Variants in FAM216A observed in about 807,000 individuals in gnomAD.
The protein encoded by FAM216A is family with sequence similarity 216 member A, also known as protein FAM216A.
Under a neutral mutation model 37.6 loss-of-function variants are expected in FAM216A, and 26 were observed. The observed-to-expected ratio is 0.69, with a 90% CI of 0.51 to 0.96. The LOEUF (loss-of-function observed/expected upper bound fraction) is 0.96. FAM216A is among the 40% of genes least tolerant of loss of function. The pLI is 0.00. For missense variants in FAM216A, 326 were observed against 339.3 expected (o/e 0.96, Z 0.31); for synonymous variants, 110 against 121.7 (o/e 0.90, Z 0.64).
At chr12:110,482,032 G>T (rs952133704) in intron 2 of FAM216A, among the ~76,000 whole-genome samples, 7 of 151,832 alleles carry the variant, frequency 4.6e-5, no homozygotes, top group South Asian at 4.2e-4. Flanking sequence ...GAAATAGCCT[G>T]TTATTAATAA....
At chr12:110,468,464 T>C, upstream of FAM216A, 1 of 1,537,096 alleles carries the variant, frequency 6.5e-7, no homozygotes, top group Non-Finnish European at 8.7e-7. Context: ...CTGTCTAAGC[T>C]TGGATACCTG....
chr12:110,474,008 A>T (rs2062701674), intron 2 of FAM216A, among the ~76,000 whole-genome samples: 1 of 152,200 alleles, frequency 6.6e-6, no homozygotes, highest in Non-Finnish European at 1.5e-5. Context: ...ATTTAAATTC[A>T]GTGATACATA....
chr12:110,490,300 A>G lies in FAM216A; in HGVS notation c.*163A>G. The G allele has an allele frequency of 1.6e-6, 1 of 630,584 alleles. No homozygotes were observed. Among genetic ancestry groups the G allele is most frequent in the Non-Finnish European group, 2.8e-6 (1 of 353,902 alleles). 39.1% of individuals were successfully genotyped at this position (630,584 alleles called of 1,614,324 possible). A position where few individuals can be genotyped will look rare whatever the true frequency, so the allele number is the denominator to read the frequency against. ...TAATTGGTCTGATGTAGTTCCATGT[A>G]CCAATGATAGTTATGTAAGAAAATT... On this transcript the variant is annotated 3_prime_UTR_variant, in exon 7 of 7. Transcript: ENST00000377673.
At chr12:110,489,058 TA>T (rs1469845614) in intron 6 of FAM216A, among the ~76,000 whole-genome samples, 1 of 152,156 alleles carries the variant, frequency 6.6e-6, no homozygotes, top group Admixed American at 6.6e-5. Context: ...AGGATCAGCA[TA>T]AAGGATCCTT....
intron 1 of FAM216A, among the ~76,000 whole-genome samples, 184 bp from the exon 2 acceptor site, chr12:110,472,894 T>G (rs933510207): frequency 1.4e-5 from 2 of 140,508 alleles, no homozygotes; most frequent in African/African-American, 5.4e-5. Flanking sequence ...GAGAATCACT[T>G]GAAACTGGGA....
At chr12:110,471,618 CTTACT>C (rs2062687278) in intron 1 of FAM216A, among the ~76,000 whole-genome samples, 1 of 152,136 alleles carries the variant, frequency 6.6e-6, no homozygotes, top group African/African-American at 2.4e-5. Flanking sequence ...GTGATGTGAT[CTTACT>C]TTACTTAAAA....
intron 1 of FAM216A, 102 bp downstream of exon 1, chr12:110,469,120 C>T (rs1249384802): frequency 5.5e-6 from 7 of 1,274,812 alleles, no homozygotes; most frequent in Non-Finnish European, 6.1e-6. Context: ...GCCGACCTCT[C>T]GTCTCGGGGG....
intron 2 of FAM216A, among the ~76,000 whole-genome samples, chr12:110,476,443 C>G (rs1425409943): frequency 6.6e-6 from 1 of 151,030 alleles, no homozygotes; most frequent in Admixed American, 6.6e-5. Context: ...CTCCTGACCT[C>G]GTGATCTACC....
intron 2 of FAM216A, among the ~76,000 whole-genome samples, chr12:110,478,241 C>G (rs2062725797): frequency 6.6e-6 from 1 of 152,114 alleles, no homozygotes; most frequent in Admixed American, 6.6e-5. Flanking sequence ...GGCTCTTGTT[C>G]TCTGTCTCCA....
Position 110,490,381 on chromosome 12 carries a change from T to C in FAM216A, c.*244T>C, listed in dbSNP as rs1173656098. The C allele has an allele frequency of 2.4e-6, 1 of 409,524 alleles. No individual in the cohort carries two copies. The highest frequency in any genetic ancestry group is 4.5e-5 in the Admixed American group (1 of 22,408). 25.4% of individuals were successfully genotyped at this position (409,524 alleles called of 1,614,324 possible). Reference sequence around the variant, plus strand: ...AGATACAATTAAAACTTTTCTTGCATTCAATATTGAATTACTTTTCTTTAA... The same window carrying C: ...AGATACAATTAAAACTTTTCTTGCACTCAATATTGAATTACTTTTCTTTAA... On this transcript the variant is annotated 3_prime_UTR_variant, in exon 7 of 7. Transcript: ENST00000377673.
rs1045771893 is a variant in FAM216A, at chr12:110,469,006, G to T, written c.131G>T (p.Gly44Val). 8.8e-6 allele frequency: 13 copies of T among 1,479,660 alleles called. No homozygotes were observed. The highest frequency in any genetic ancestry group is 1.2e-5 in the Non-Finnish European group (13 of 1,116,992). The allele number at this position is 1,479,660 out of a possible 1,614,324, so 91.7% of individuals were successfully genotyped here. A position where few individuals can be genotyped will look rare whatever the true frequency, so the allele number is the denominator to read the frequency against. The change falls in exon 1 of 7, where the codon GGT becomes GTT. Residue 44 changes from glycine (G) to valine (V), a missense_variant. Gly to Val is a moderately radical substitution (Grantham distance 109). Coordinates refer to ENST00000377673, the MANE Select transcript of FAM216A (RefSeq NM_013300.3). ...AEPPAVAGTE[G>V]GGGGSAGYSC... ...CCGCCCGCTGTGGCCGGGACCGAGG[G>T]TGGCGGCGGCGGGTGAGGTTGGGGG...
At chr12:110,478,551 A>T (rs2062727820) in intron 2 of FAM216A, among the ~76,000 whole-genome samples, 1 of 152,208 alleles carries the variant, frequency 6.6e-6, no homozygotes, top group Non-Finnish European at 1.5e-5. Flanking sequence ...GAAGAGAAGC[A>T]GTTAGATGTG....
intron 2 of FAM216A, among the ~76,000 whole-genome samples, chr12:110,484,310 C>T (rs1443679266): frequency 3.3e-5 from 5 of 150,638 alleles, no homozygotes; most frequent in Non-Finnish European, 7.4e-5. Flanking sequence ...GCCTGTAGTC[C>T]CAGCTACTCG....
In FAM216A at chr12:110,468,997, G is replaced by T. The variant is rs1339110527; in HGVS notation, c.122G>T (p.Gly41Val). 5 of 1,490,052 alleles carry T rather than the reference G, an allele frequency of 3.4e-6. No homozygotes were observed. The South Asian group carries it at 5.0e-5, about 15-fold the overall frequency. The allele number at this position is 1,490,052 out of a possible 1,614,324, so 92.3% of individuals were successfully genotyped here. A position where few individuals can be genotyped will look rare whatever the true frequency, so the allele number is the denominator to read the frequency against. The change falls in exon 1 of 7, where the codon GGG (glycine) becomes GTG (valine). Residue 41 changes from glycine (G) to valine (V), a missense_variant. By Grantham distance (109) the Gly-to-Val change is moderately radical (BLOSUM62 -3). Transcript: ENST00000377673. ...TCTGCAGAGCCGCCCGCTGTGGCCG[G>T]GACCGAGGGTGGCGGCGGCGGGTGA... The part of the protein sequence containing the change: ...SSSAEPPAVA[G>V]TEGGGGGSAG...
At chr12:110,485,323 T>C (rs1307171888) in intron 3 of FAM216A, 124 bp downstream of exon 3, 2 of 710,820 alleles carry the variant, frequency 2.8e-6, no homozygotes, top group Non-Finnish European at 4.6e-6. Flanking sequence ...AGTATAATTG[T>C]CTAGGAGTCA....
intron 2 of FAM216A, among the ~76,000 whole-genome samples, chr12:110,480,193 A>ATTT (rs71083126): frequency 1.3e-4 from 4 of 30,872 alleles, no homozygotes; most frequent in South Asian, 1.7e-3. Flanking sequence ...CGCCTAGCTA[A>ATTT]TTTTTTTTTT....
chr12:110,470,430 G>C (rs989459065), intron 1 of FAM216A, among the ~76,000 whole-genome samples: 6 of 151,242 alleles, frequency 4.0e-5, no homozygotes, highest in African/African-American at 1.2e-4. Flanking sequence ...GTTCTTCACA[G>C]TCCTTGGCCG....
At chr12:110,481,129 A>G (rs956569088) in intron 2 of FAM216A, among the ~76,000 whole-genome samples, 8 of 152,072 alleles carry the variant, frequency 5.3e-5, no homozygotes, top group African/African-American at 1.9e-4. Flanking sequence ...ATAATATTCC[A>G]TTGTTTGTAT....
rs570697519 is a variant in FAM216A, at chr12:110,490,286, A to G, written c.*149A>G. On this transcript the variant is annotated 3_prime_UTR_variant, in exon 7 of 7. Transcript: ENST00000377673. ...AACTTAAAACAATGTAATTGGTCTG[A>G]TGTAGTTCCATGTACCAATGATAGT... The G allele has an allele frequency of 1.3e-5, 9 of 669,084 alleles. No individual in the cohort carries two copies. In the East Asian group the frequency reaches 2.1e-4, roughly 16 times the overall value. 41.4% of individuals were successfully genotyped at this position (669,084 alleles called of 1,614,324 possible).
Sources: gnomAD v4.1 joint callset for allele counts (sites outside exome capture counted in the v4.1 genomes callset) on GRCh38, gnomAD v4.1.1 for gene constraint, MANE v1.5 for transcripts, NCBI Gene and HGNC (gene_info 2026-07-23, HGNC 2026-07-21) for gene names.